Variants in DENND1A observed in about 807,000 individuals in gnomAD.
The protein encoded by DENND1A is DENN domain-containing protein 1A.
In DENND1A, 51 loss-of-function variants were observed where a neutral mutation model predicts 113.7. The ratio of observed to expected loss-of-function variants is 0.45; its 90% CI spans 0.36 to 0.57. The LOEUF (loss-of-function observed/expected upper bound fraction) is 0.57. Among genes scored for constraint, DENND1A ranks in the 20% least tolerant of loss-of-function variants. The pLI is 0.00. For synonymous variants in DENND1A, 565 were observed against 570.8 expected (o/e 0.99, Z 0.14); for missense variants, 1,258 against 1,395.9 (o/e 0.90, Z 1.57).
At chr9:123,825,700 C>T (rs1839209033) in intron 2 of DENND1A, among the ~76,000 whole-genome samples, 2 of 152,230 alleles carry the variant, frequency 1.3e-5, no homozygotes, top group Admixed American at 1.3e-4. Flanking sequence ...GTATCTAATT[C>T]TGTAAGAGTG....
At chr9:123,847,290 A>G (rs531247676) in intron 2 of DENND1A, among the ~76,000 whole-genome samples, 1 of 152,316 alleles carries the variant, frequency 6.6e-6, no homozygotes, top group East Asian at 1.9e-4. Context: ...AAGGACAAAA[A>G]GAGAATGTCA....
intron 9 of DENND1A, among the ~76,000 whole-genome samples, chr9:123,639,777 C>CAAAAAA (rs199515973): frequency 7.6e-4 from 88 of 115,082 alleles, no homozygotes; most frequent in East Asian, 2.2e-3. Flanking sequence ...AACTCCATCT[C>CAAAAAA]AAAAAAAAAA....
chr9:123,728,125 C>T (rs2067848425), intron 5 of DENND1A, among the ~76,000 whole-genome samples: 1 of 150,850 alleles, frequency 6.6e-6, no homozygotes, highest in Non-Finnish European at 1.5e-5. Flanking sequence ...AAAAGAATCC[C>T]TAAGTAGATG....
chr9:123,509,611 T>G (rs1192925838), intron 13 of DENND1A, among the ~76,000 whole-genome samples: 1 of 152,166 alleles, frequency 6.6e-6, no homozygotes, highest in African/African-American at 2.4e-5. Flanking sequence ...TTTACTACTC[T>G]TGGGTGGCAC....
At chr9:123,904,340 C>G (rs1852347281) in intron 1 of DENND1A, among the ~76,000 whole-genome samples, 1 of 151,902 alleles carries the variant, frequency 6.6e-6, no homozygotes, top group Non-Finnish European at 1.5e-5. Context: ...CGCAGTTCCT[C>G]ACCAGCAACG....
At chr9:123,816,374 T>C (rs1444135274) in intron 2 of DENND1A, among the ~76,000 whole-genome samples, 1 of 152,170 alleles carries the variant, frequency 6.6e-6, no homozygotes, top group Admixed American at 6.6e-5. Flanking sequence ...GAGGATTTAA[T>C]CTCAGGTTTG....
intron 10 of DENND1A, among the ~76,000 whole-genome samples, chr9:123,624,743 C>T (rs2061123354): frequency 6.6e-6 from 1 of 152,148 alleles, no homozygotes; most frequent in South Asian, 2.1e-4. Flanking sequence ...TTAGACCTTC[C>T]AACATCAATG....
intron 13 of DENND1A, among the ~76,000 whole-genome samples, chr9:123,507,171 AGAGT>A (rs1193153561): frequency 6.6e-6 from 1 of 152,212 alleles, no homozygotes; most frequent in Non-Finnish European, 1.5e-5. Flanking sequence ...CCTGGGCGAC[AGAGT>A]GAGACTCCGT....
intron 21 of DENND1A, among the ~76,000 whole-genome samples, chr9:123,391,914 G>A (rs2042870923): frequency 1.3e-5 from 2 of 152,180 alleles, no homozygotes; most frequent in South Asian, 4.1e-4. Flanking sequence ...CCCAGCGAGG[G>A]CTGCCAGAGT....
chr9:123,649,336 C>T (rs995011993), intron 9 of DENND1A, among the ~76,000 whole-genome samples: 1 of 152,174 alleles, frequency 6.6e-6, no homozygotes, highest in Non-Finnish European at 1.5e-5. Flanking sequence ...CAATCATTTG[C>T]TTCCTAATTG....
intron 18 of DENND1A, among the ~76,000 whole-genome samples, chr9:123,446,722 C>T (rs961724299): frequency 5.9e-5 from 9 of 151,878 alleles, no homozygotes; most frequent in South Asian, 2.1e-4. Flanking sequence ...GAGGTTGAGG[C>T]GGGAGGATCC....
Position 123,580,563 on chromosome 9 carries a change from C to A in DENND1A, c.867+2606G>T, listed in dbSNP as rs996023362. ...GCTGCCAGTCACTCATCTCATGCTG[C>A]CCCAGGGCCCTTGGCCATTTCCTGC... On this transcript the variant is annotated intron_variant, in intron 12 of 23. Coordinates refer to ENST00000394215, the MANE Select transcript of DENND1A (RefSeq NM_001352964.2). Among the ~76,000 whole-genome samples the A allele has an allele frequency of 3.9e-5, 6 of 152,226 alleles. No homozygotes were observed. In the South Asian group the frequency reaches 1.2e-3, roughly 32 times the overall value.
Position 123,733,044 on chromosome 9 carries a change from C to T in DENND1A, c.302+24659G>A, listed in dbSNP as rs147795218. On this transcript the variant is annotated intron_variant, in intron 5 of 23. Coordinates refer to ENST00000394215, the MANE Select transcript of DENND1A (RefSeq NM_001352964.2). Reference sequence around the variant, plus strand: ...TTGCCCAGGCTGGAGTGCAATGGCGCGATCTCGGCTCACCGCAACCTCTGC... The same window carrying T: ...TTGCCCAGGCTGGAGTGCAATGGCGTGATCTCGGCTCACCGCAACCTCTGC... Among the ~76,000 whole-genome samples, 97 of 147,170 alleles carry T rather than the reference C, an allele frequency of 6.6e-4. No individual in the cohort carries two copies. The Middle Eastern group carries it at 0.03, about 45-fold the overall frequency.
rs2045409223 is a variant in DENND1A, at chr9:123,422,791, G to A, written c.1489-10962C>T. On this transcript the variant is annotated intron_variant, in intron 19 of 23. Coordinates refer to ENST00000394215, the MANE Select transcript of DENND1A (RefSeq NM_001352964.2). This position sits in a 1 kb window ranked among gnomAD's most constrained non-coding sequence, Gnocchi z 4.8. ...GACATTTTGTACTGCTGTGAGATGG[G>A]AAAACGTGTGACATTTTTATTCATG... Among the ~76,000 whole-genome samples the A allele has an allele frequency of 6.6e-6, 1 of 152,190 alleles. No individual in the cohort carries two copies. Among genetic ancestry groups the A allele is most frequent in the South Asian group, 2.1e-4 (1 of 4,822 alleles).
chr9:123,477,327 A>G (rs964184014), intron 13 of DENND1A, among the ~76,000 whole-genome samples: 2 of 152,016 alleles, frequency 1.3e-5, no homozygotes, highest in Non-Finnish European at 2.9e-5. Flanking sequence ...AAGGCGGGAG[A>G]ATTGCTTTAA....
chr9:123,567,616 T>C (rs1169523128), intron 12 of DENND1A, among the ~76,000 whole-genome samples: 1 of 152,248 alleles, frequency 6.6e-6, no homozygotes. Flanking sequence ...ACTTTCTTCA[T>C]GAGCAAAAGC....
At chr9:123,765,287 T>C (rs546730417) in intron 4 of DENND1A, among the ~76,000 whole-genome samples, 1 of 152,274 alleles carries the variant, frequency 6.6e-6, no homozygotes, top group South Asian at 2.1e-4. Flanking sequence ...CACTAACTGG[T>C]AGTGAGACCT....
chr9:123,716,990 TG>T (rs1219577171), intron 5 of DENND1A, among the ~76,000 whole-genome samples: 2 of 152,256 alleles, frequency 1.3e-5, no homozygotes, highest in East Asian at 3.8e-4. Flanking sequence ...ACTAGTTAAT[TG>T]TGGTTACTTT....
chr9:123,857,161 T>C (rs1025154529), intron 2 of DENND1A, among the ~76,000 whole-genome samples: 10 of 150,546 alleles, frequency 6.6e-5, no homozygotes, highest in Admixed American at 1.3e-4. Context: ...CTTGGGAAAA[T>C]GGCAGATTTC....
Sources: allele counts gnomAD v4.1 joint callset (sites outside exome capture counted in the v4.1 genomes callset), GRCh38; gene constraint gnomAD v4.1.1; non-coding constraint Gnocchi (gnomAD v3.1); transcripts MANE v1.5; gene names NCBI Gene and HGNC (gene_info 2026-07-23, HGNC 2026-07-21).